The following CAST variants were observed in gnomAD, a reference collection of about 807,000 sequenced individuals.
CAST encodes the protein calpastatin.
In CAST, 76 loss-of-function variants were observed where a neutral mutation model predicts 119.6. That is an observed-to-expected ratio of 0.64 (90% confidence interval 0.53 to 0.77). CAST has a LOEUF of 0.77. Among genes scored for constraint, CAST ranks in the 30% least tolerant of loss-of-function variants. The pLI, the probability that CAST is intolerant of heterozygous loss-of-function variation, is 0.00. For missense variants in CAST, 953 were observed against 946.5 expected (o/e 1.01, Z -0.09); for synonymous variants, 319 against 331.6 (o/e 0.96, Z 0.41).
the CAST span, among the ~76,000 whole-genome samples, chr5:96,480,921 A>G: frequency 6.6e-6 from 1 of 152,196 alleles, no homozygotes; most frequent in African/African-American, 2.4e-5. Flanking sequence ...TATTTTGGAC[A>G]TAAAGGTGAA....
chr5:96,495,999 A>G, the CAST span, among the ~76,000 whole-genome samples: 2 of 152,200 alleles, frequency 1.3e-5, no homozygotes, highest in Admixed American at 6.5e-5. Context: ...TTTATAGGTC[A>G]CTGTTTGAAG....
At chr5:96,209,836 C>T in the CAST span, among the ~76,000 whole-genome samples, 1 of 151,774 alleles carries the variant, frequency 6.6e-6, no homozygotes. Flanking sequence ...CAGTATCTCA[C>T]AGGCATTTTT....
rs769862759 is a variant in CAST at position 96,741,256 on chromosome 5, G to C, written c.919-10G>C. On this transcript the variant is annotated splice_polypyrimidine_tract_variant and intron_variant, in intron 13 of 31. Transcript: ENST00000675179. ...CCGTAAGTTACCCATCACTGTGCCT[G>C]TTTCTTTAGAAACCCATAGGGCCAG... 1 of 1,564,600 alleles carries C rather than the reference G, an allele frequency of 6.4e-7. No homozygotes were observed. Among genetic ancestry groups the C allele is most frequent in the South Asian group, 1.1e-5 (1 of 89,294 alleles).
At chr5:96,174,836 G>C in the CAST span, among the ~76,000 whole-genome samples, 1 of 152,020 alleles carries the variant, frequency 6.6e-6, no homozygotes, top group African/African-American at 2.4e-5. Context: ...TATTTGTGTG[G>C]TATTCTAACA....
At chr5:96,023,036 A>T in the CAST span, among the ~76,000 whole-genome samples, 2 of 152,200 alleles carry the variant, frequency 1.3e-5, no homozygotes, top group African/African-American at 4.8e-5. Context: ...CCTATGTGGT[A>T]ACCATGTTGG....
chr5:96,383,498 G>A, the CAST span, among the ~76,000 whole-genome samples: 1 of 152,154 alleles, frequency 6.6e-6, no homozygotes, highest in Non-Finnish European at 1.5e-5. Context: ...CCAGGCTGGA[G>A]TGCAATGGCA....
the CAST span, among the ~76,000 whole-genome samples, chr5:96,045,943 T>C: frequency 6.6e-6 from 1 of 152,210 alleles, no homozygotes; most frequent in Non-Finnish European, 1.5e-5. Context: ...TGTTACTTTT[T>C]AAAATAAGAC....
At chr5:96,469,877 A>G in the CAST span, among the ~76,000 whole-genome samples, 1 of 99,992 alleles carries the variant, frequency 1.0e-5, no homozygotes, top group Admixed American at 9.8e-5. Context: ...ATATATATAT[A>G]TAATATATAT....
At chr5:96,165,435 G>A in the CAST span, among the ~76,000 whole-genome samples, 1 of 152,136 alleles carries the variant, frequency 6.6e-6, no homozygotes, top group East Asian at 1.9e-4. Context: ...TGTGCTTTTA[G>A]AAAGTACTGG....
chr5:96,153,089 C>T, the CAST span, among the ~76,000 whole-genome samples: 4 of 152,190 alleles, frequency 2.6e-5, no homozygotes, highest in East Asian at 5.8e-4. Context: ...ACAAATAAAA[C>T]GTGTGAAACA....
At chr5:96,270,162 C>A in the CAST span, among the ~76,000 whole-genome samples, 1 of 151,862 alleles carries the variant, frequency 6.6e-6, no homozygotes, top group Non-Finnish European at 1.5e-5. Flanking sequence ...TCAATAGATG[C>A]CAAAAAAAGC....
the CAST span, among the ~76,000 whole-genome samples, chr5:96,118,941 C>T: frequency 6.6e-6 from 1 of 152,094 alleles, no homozygotes; most frequent in Non-Finnish European, 1.5e-5. Flanking sequence ...TTTCACCACA[C>T]TCCCTTTGTG....
At chr5:96,295,450 A>C in the CAST span, among the ~76,000 whole-genome samples, 2 of 152,234 alleles carry the variant, frequency 1.3e-5, no homozygotes. Flanking sequence ...AATGACATTG[A>C]CAGTGGTAAA....
chr5:96,530,567 A>G (rs140471598), intron 1 of CAST, among the ~76,000 whole-genome samples: 2 of 152,300 alleles, frequency 1.3e-5, no homozygotes, highest in Admixed American at 6.5e-5. Context: ...AATGTAGTGA[A>G]AGATTGCCCA....
At chr5:96,289,824 G>GA in the CAST span, among the ~76,000 whole-genome samples, 1 of 152,054 alleles carries the variant, frequency 6.6e-6, no homozygotes, top group African/African-American at 2.4e-5. Flanking sequence ...TAAATGAGGT[G>GA]AAAAAATGTG....
intron 1 of CAST, among the ~76,000 whole-genome samples, chr5:96,619,975 A>G (rs1348815897): frequency 6.6e-6 from 1 of 152,226 alleles, no homozygotes; most frequent in Non-Finnish European, 1.5e-5. Flanking sequence ...ACTTCTGTAA[A>G]ATAAAGACAA....
At chr5:96,459,657 A>G in the CAST span, among the ~76,000 whole-genome samples, 794 of 152,304 alleles carry the variant, frequency 5.2e-3, 6 homozygotes, top group African/African-American at 0.018. Flanking sequence ...CTAACCCTGC[A>G]GAATAATTAA....
the CAST span, among the ~76,000 whole-genome samples, chr5:96,470,187 TCA>T: frequency 2.1e-4 from 30 of 144,422 alleles, no homozygotes; most frequent in Admixed American, 4.3e-4. Flanking sequence ...AAATAAATGC[TCA>T]CACACACACA....
intron 10 of CAST, among the ~76,000 whole-genome samples, chr5:96,737,088 C>T (rs1561548576): frequency 1.3e-5 from 2 of 152,260 alleles, no homozygotes; most frequent in East Asian, 1.9e-4. Flanking sequence ...GCATGAAAAT[C>T]GCCCCAATGA....
Sources: allele counts gnomAD v4.1 joint callset (sites outside exome capture counted in the v4.1 genomes callset), GRCh38; gene constraint gnomAD v4.1.1; transcripts MANE v1.5; gene names NCBI Gene and HGNC (gene_info 2026-07-23, HGNC 2026-07-21).